Variants in RAB36 observed in about 807,000 individuals in gnomAD.
RAB36 encodes ras-related protein Rab-36.
Under a neutral mutation model 39.3 loss-of-function variants are expected in RAB36, and 33 were observed. The ratio of observed to expected loss-of-function variants is 0.84; its 90% confidence interval spans 0.64 to 1.12. The LOEUF (loss-of-function observed/expected upper bound fraction) is 1.12, where lower values mean the gene tolerates loss of function less well. RAB36 is among the 50% of genes most tolerant of loss of function. The pLI is 0.00. For synonymous variants in RAB36, 133 were observed against 140.2 expected, an observed-to-expected ratio of 0.95 and a Z score of 0.36; for missense variants, 308 against 355.3, an observed-to-expected ratio of 0.87 and a Z score of 1.07.
intron 7 of RAB36, 152 bp downstream of exon 7, chr22:23,158,195 T>A: frequency 1.4e-6 from 2 of 1,477,302 alleles, no homozygotes; most frequent in Non-Finnish European, 1.8e-6. Context: ...GACTACTTAC[T>A]GTCCAACTGC....
At chr22:23,154,786 A>G (rs2146544424) in intron 5 of RAB36, among the ~76,000 whole-genome samples, 1 of 152,334 alleles carries the variant, frequency 6.6e-6, no homozygotes, top group Non-Finnish European at 1.5e-5. Context: ...GAATTAATGA[A>G]AGAATGAAGC....
intron 5 of RAB36, 79 bp from the exon 6 acceptor site, chr22:23,155,889 G>T (rs2071419334): frequency 1.5e-6 from 2 of 1,348,304 alleles, no homozygotes; most frequent in Admixed American, 4.6e-5. Context: ...CCCACCCATG[G>T]TCCCGTAGCC....
rs530319429 is a variant in RAB36 at position 23,151,134 on chromosome 22, C to T, written c.161+980C>T. Among the ~76,000 whole-genome samples the T allele has an allele frequency of 1.1e-3, 161 of 152,366 alleles. 1 individual carries two copies. The highest frequency in any genetic ancestry group is 1.9e-3 in the Admixed American group (29 of 15,306). ...GCGATGAGGCTGCCAGAGAGCGCAG[C>T]TAGAGGTTCCCAAACTGCACAGAGT... On this transcript the variant is annotated intron_variant, in intron 3 of 10. Transcript: ENST00000263116.
At position 23,158,000 on chromosome 22, in the gene RAB36, A is replaced by G; in HGVS notation, c.403A>G (p.Thr135Ala). ...AYYRGAQVIITAFDLTDVQTL... is the reference protein window; with the variant it reads ...AYYRGAQVIIAAFDLTDVQTL... ...TTTTTCCGGGTGTCTAGTGATCATCACGGCCTTTGACCTCACTGACGTGCA... is the reference window on the plus strand; with the variant it reads ...TTTTTCCGGGTGTCTAGTGATCATCGCGGCCTTTGACCTCACTGACGTGCA... The change falls in exon 7 of 11, where the codon ACG becomes GCG. Residue 135 changes from threonine (T) to alanine (A), a missense_variant. Physicochemically the swap from Thr to Ala is moderately conservative, Grantham distance 58. Transcript: ENST00000263116. 1 of 1,614,160 alleles carries G rather than the reference A, an allele frequency of 6.2e-7. No homozygotes were observed. Among genetic ancestry groups the G allele is most frequent in the South Asian group, 1.1e-5 (1 of 91,086 alleles).
downstream of RAB36, among the ~76,000 whole-genome samples, chr22:23,168,069 C>G (rs960989959): frequency 6.6e-6 from 1 of 152,094 alleles, no homozygotes; most frequent in Non-Finnish European, 1.5e-5. Context: ...CCAGGCTGCA[C>G]TAATTCTTAC....
intron 1 of RAB36, chr22:23,145,835 C>A: frequency 2.6e-6 from 1 of 381,692 alleles, no homozygotes; most frequent in Non-Finnish European, 3.6e-6. Flanking sequence ...AAAAAGGAGA[C>A]AGAGGGGCTG....
chr22:23,159,092 A>G, intron 8 of RAB36, 71 bp from the exon 9 acceptor site: 1 of 1,586,772 alleles, frequency 6.3e-7, no homozygotes. Flanking sequence ...GGAAGCAGGC[A>G]GCTGCCTATC....
Position 23,156,142 on chromosome 22 carries a change from C to G in RAB36, c.394+110C>G, listed in dbSNP as rs201693487. On this transcript the variant is annotated intron_variant, in intron 6 of 10. Coordinates refer to ENST00000263116, the MANE Select transcript of RAB36 (RefSeq NM_004914.5). ...GCACAGGCACCAGTTTTTTGTCCTC[C>G]AAGACCCACTGAGAAAACACCAGGC... 46 of 853,830 alleles carry G rather than the reference C, an allele frequency of 5.4e-5. No individual in the cohort carries two copies. In the Admixed American group the frequency reaches 8.7e-4, roughly 16 times the overall value. 52.9% of individuals were successfully genotyped at this position (853,830 alleles called of 1,614,324 possible).
chr22:23,151,214 G>C lies in RAB36; in HGVS notation c.161+1060G>C, dbSNP rs189370418. Among the ~76,000 whole-genome samples the C allele has an allele frequency of 5.3e-5, 8 of 152,338 alleles. No homozygotes were observed. The East Asian group carries it at 1.5e-3, about 29-fold the overall frequency. ...CGAAGTGGCCATGGTGGTGGGATGAGAGTAATGGCATCTGTTGGGGAATGC... is the reference window on the plus strand; with the variant it reads ...CGAAGTGGCCATGGTGGTGGGATGACAGTAATGGCATCTGTTGGGGAATGC... On this transcript the variant is annotated intron_variant, in intron 3 of 10. Transcript: ENST00000263116.
downstream of RAB36, among the ~76,000 whole-genome samples, chr22:23,167,845 T>C (rs1364689043): frequency 1.3e-5 from 2 of 151,960 alleles, no homozygotes; most frequent in Non-Finnish European, 2.9e-5. Flanking sequence ...TGCACCTGGC[T>C]TCATTGACTA....
Position 23,162,397 on chromosome 22 carries a change from C to T in RAB36, c.*833C>T. On this transcript the variant is annotated 3_prime_UTR_variant, in exon 11 of 11. Coordinates refer to ENST00000263116, the MANE Select transcript of RAB36 (RefSeq NM_004914.5). Reference sequence around the variant, plus strand: ...CACTCTGCAGCCCTTGAACATGGCACTGCCCTCCTCTGGCACTCATGCTGG... The same window carrying T: ...CACTCTGCAGCCCTTGAACATGGCATTGCCCTCCTCTGGCACTCATGCTGG... 1 of 347,658 alleles carries T rather than the reference C, an allele frequency of 2.9e-6. No individual in the cohort carries two copies. The highest frequency in any genetic ancestry group is 2.2e-5 in the South Asian group (1 of 45,920). The allele number at this position is 347,658 out of a possible 1,614,324, so 21.5% of individuals were successfully genotyped here. A position where few individuals can be genotyped will look rare whatever the true frequency, so the allele number is the denominator to read the frequency against.
chr22:23,145,338 C>T (rs764424293), upstream of RAB36: 2 of 1,593,578 alleles, frequency 1.3e-6, no homozygotes, highest in Non-Finnish European at 1.7e-6. Flanking sequence ...GCCAGCCCCG[C>T]CCAGACTCCA....
At chr22:23,159,046 G>T in intron 8 of RAB36, 67 bp downstream of exon 8, 1 of 1,589,102 alleles carries the variant, frequency 6.3e-7, no homozygotes. Context: ...AGCCCTCATT[G>T]GAGGAGCCAT....
chr22:23,158,065 C>T, intron 7 of RAB36, 22 bp downstream of exon 7: 1 of 1,613,756 alleles, frequency 6.2e-7, no homozygotes, highest in Non-Finnish European at 8.5e-7. Context: ...CTCTCTGGCC[C>T]CTGCAGTCTC....
At chr22:23,159,651 A>G (rs1473100229) in intron 9 of RAB36, among the ~76,000 whole-genome samples, 1 of 149,254 alleles carries the variant, frequency 6.7e-6, no homozygotes, top group Admixed American at 6.6e-5. Flanking sequence ...GGATCCAAAC[A>G]CACCCTCACC....
chr22:23,152,572 G>GTTGTCA, intron 4 of RAB36, 46 bp downstream of exon 4: 1 of 1,579,480 alleles, frequency 6.3e-7, no homozygotes, highest in Non-Finnish European at 8.7e-7. Context: ...CCAGCACCAG[G>GTTGTCA]TTGTCATACC....
chr22:23,161,794 C>CCA lies in RAB36; in HGVS notation c.*232_*233dup, dbSNP rs1400087663. On this transcript the variant is annotated 3_prime_UTR_variant, in exon 11 of 11. Transcript: ENST00000263116. ...CCACTGGCTGCCTGGGAGCCCCACA[C>CCA]CACCGGGCCAGTGCAGGCACTGTGG... The CCA allele has an allele frequency of 1.8e-6, 1 of 545,182 alleles. No homozygotes were observed. The highest frequency in any genetic ancestry group is 3.3e-6 in the Non-Finnish European group (1 of 302,700). 33.8% of individuals were successfully genotyped at this position (545,182 alleles called of 1,614,324 possible). A position where few individuals can be genotyped will look rare whatever the true frequency, so the allele number is the denominator to read the frequency against.
rs2071631312 is a variant in RAB36, at chr22:23,159,161, A to C, written c.529-2A>C. On this transcript the variant is annotated splice_acceptor_variant, in intron 8 of 10. Coordinates refer to ENST00000263116, the MANE Select transcript of RAB36 (RefSeq NM_004914.5). LOFTEE classifies it high-confidence loss of function. ...TGGGTCAACAAGGGCCATTTCTCCC[A>C]GTCAGGGGCCGCATGTGAGCAGGCC... is the stretch of plus-strand genomic sequence containing the variant. The C allele has an allele frequency of 6.2e-7, 1 of 1,611,196 alleles. No homozygotes were observed. The highest frequency in any genetic ancestry group is 1.3e-5 in the African/African-American group (1 of 75,020).
Position 23,164,965 on chromosome 22 carries a change from A to T in RAB36, c.*3401A>T, listed in dbSNP as rs1026307541. Among the ~76,000 whole-genome samples the T allele has an allele frequency of 7.7e-6, 1 of 130,344 alleles. No individual in the cohort carries two copies. Among genetic ancestry groups the T allele is most frequent in the African/African-American group, 2.9e-5 (1 of 34,466 alleles). The allele number at this position is 130,344 out of a possible 152,430, so 85.5% of individuals were successfully genotyped here. A position where few individuals can be genotyped will look rare whatever the true frequency, so the allele number is the denominator to read the frequency against. ...GGTCACAATGCAGTCTGCAGATGCCAGACCCCTCTTCTGTGCCCAACGGCT... is the reference window on the plus strand; with the variant it reads ...GGTCACAATGCAGTCTGCAGATGCCTGACCCCTCTTCTGTGCCCAACGGCT... On this transcript the variant is annotated 3_prime_UTR_variant, in exon 11 of 11. Transcript: ENST00000263116.
Sources: allele counts gnomAD v4.1 joint callset (sites outside exome capture counted in the v4.1 genomes callset), GRCh38; gene constraint gnomAD v4.1.1; transcripts MANE v1.5; gene names NCBI Gene and HGNC (gene_info 2026-07-23, HGNC 2026-07-21).